The following TFR2 variants were observed in gnomAD, a reference collection of about 807,000 sequenced individuals.
TFR2 encodes the protein transferrin receptor 2.
A neutral mutation model predicts 91.9 loss-of-function variants in TFR2; 64 were observed. The observed-to-expected ratio is 0.70, with a 90% CI of 0.57 to 0.86. The LOEUF (loss-of-function observed/expected upper bound fraction) is 0.86. Among genes scored for constraint, TFR2 ranks in the 40% least tolerant of loss-of-function variants. The pLI is 0.00. For synonymous variants in TFR2, 454 were observed against 459.6 expected (o/e 0.99, Z 0.15); for missense variants, 950 against 1,080.5 (o/e 0.88, Z 1.69).
chr7:100,626,809 T>C lies in TFR2; in HGVS notation c.2090A>G (p.Glu697Gly). The part of the protein sequence containing the change: ...KLRQEIYSSE[E>G]RDERLTRMYN... ...CATGCGTGTCAGTCGCTCGTCTCTCTCCTCCGAGCTGTAGATCTCCTGCCG... is the reference window on the plus strand; with the variant it reads ...CATGCGTGTCAGTCGCTCGTCTCTCCCCTCCGAGCTGTAGATCTCCTGCCG... Residue 697 changes from glutamate (E) to glycine (G), a missense_variant, in exon 17 of 18, where the codon GAG (glutamate) becomes GGG (glycine). By Grantham distance (98) the Glu-to-Gly change is moderately conservative (BLOSUM62 -2). Coordinates refer to ENST00000223051, the MANE Select transcript of TFR2 (RefSeq NM_003227.4). 1 of 1,549,068 alleles carries C rather than the reference T, an allele frequency of 6.5e-7. No individual in the cohort carries two copies.
Position 100,620,748 on chromosome 7 carries a change from A to T in TFR2, c.*109T>A. 1 of 1,482,852 alleles carries T rather than the reference A, an allele frequency of 6.7e-7. No homozygotes were observed. Among genetic ancestry groups the T allele is most frequent in the South Asian group, 1.2e-5 (1 of 82,616 alleles). 91.9% of individuals were successfully genotyped at this position (1,482,852 alleles called of 1,614,324 possible). Reference sequence around the variant, plus strand: ...GATGTGTAGGGGTAATGAGAAATTGATCAGCAATGAGAGGTGGACTCTGAG... The same window carrying T: ...GATGTGTAGGGGTAATGAGAAATTGTTCAGCAATGAGAGGTGGACTCTGAG... On this transcript the variant is annotated 3_prime_UTR_variant, in exon 18 of 18. Coordinates refer to ENST00000223051, the MANE Select transcript of TFR2 (RefSeq NM_003227.4).
At chr7:100,636,907 C>G (rs1289868836) in intron 3 of TFR2, among the ~76,000 whole-genome samples, 1 of 152,160 alleles carries the variant, frequency 6.6e-6, no homozygotes, top group African/African-American at 2.4e-5. Context: ...GCTTCTAGAC[C>G]TGTCAAACTA....
rs1489342348 is a variant in TFR2 at position 100,633,095 on chromosome 7, C to T, written c.755G>A (p.Arg252Gln). ...TGELVYAHYG[R>Q]PEDLQDLRAR... is the part of the protein sequence containing the mutation. ...CCGCAGGTCCTGCAGGTCTTCGGGC[C>T]GCCCGTAGTGGGCGTACACCAGCTC... The change falls in exon 6 of 18, where the codon CGG becomes CAG. Residue 252 changes from arginine to glutamine, a missense_variant. By Grantham distance (43) the Arg-to-Gln change is conservative. Coordinates refer to ENST00000223051, the MANE Select transcript of TFR2 (RefSeq NM_003227.4). The T allele has an allele frequency of 6.2e-7, 1 of 1,613,476 alleles. No individual in the cohort carries two copies. The highest frequency in any genetic ancestry group is 1.1e-5 in the South Asian group (1 of 91,070).
At chr7:100,637,308 A>G (rs1339572883) in intron 3 of TFR2, among the ~76,000 whole-genome samples, 2 of 152,112 alleles carry the variant, frequency 1.3e-5, no homozygotes, top group Non-Finnish European at 2.9e-5. Flanking sequence ...CTGAGGCAGG[A>G]GAATCGCTTG....
intron 3 of TFR2, among the ~76,000 whole-genome samples, chr7:100,638,810 C>T (rs1183230254): frequency 1.3e-5 from 2 of 151,686 alleles, no homozygotes; most frequent in African/African-American, 4.8e-5. Context: ...GTCCTAGCTA[C>T]TTGAAAGGCT....
intron 17 of TFR2, among the ~76,000 whole-genome samples, chr7:100,621,754 T>C (rs955912572): frequency 1.4e-4 from 21 of 152,142 alleles, no homozygotes; most frequent in African/African-American, 4.6e-4. Context: ...AAGGGGACAG[T>C]CCAGTCCTCA....
intron 6 of TFR2, among the ~76,000 whole-genome samples, chr7:100,632,517 C>T (rs1162018863): frequency 6.6e-6 from 1 of 150,390 alleles, no homozygotes; most frequent in Non-Finnish European, 1.5e-5. Context: ...TTCCTTCCTT[C>T]CTCCCTCCCT....
chr7:100,624,120 CA>C (rs1803190848), intron 17 of TFR2, among the ~76,000 whole-genome samples: 1 of 152,076 alleles, frequency 6.6e-6, no homozygotes, highest in African/African-American at 2.4e-5. Context: ...CCTCTCTGCT[CA>C]AAAACCTCTC....
chr7:100,640,563 A>T, intron 3 of TFR2, 123 bp downstream of exon 3: 1 of 1,117,226 alleles, frequency 9.0e-7, no homozygotes, highest in Non-Finnish European at 1.3e-6. Context: ...CCAGGAAGGC[A>T]GATGGGAGGA....
intron 16 of TFR2, 67 bp from the exon 17 acceptor site, chr7:100,626,970 A>G: frequency 6.7e-7 from 1 of 1,501,176 alleles, no homozygotes; most frequent in Non-Finnish European, 8.9e-7. Flanking sequence ...CATGGGGACA[A>G]GGACCCCCGC....
chr7:100,640,569 G>A (rs938281681), intron 3 of TFR2, 117 bp downstream of exon 3: 2 of 1,193,800 alleles, frequency 1.7e-6, no homozygotes, highest in African/African-American at 3.0e-5. Flanking sequence ...AGGCAGATGG[G>A]AGGACTCAGG....
At chr7:100,637,011 AT>A (rs1296732811) in intron 3 of TFR2, among the ~76,000 whole-genome samples, 2 of 152,174 alleles carry the variant, frequency 1.3e-5, no homozygotes, top group Non-Finnish European at 2.9e-5. Flanking sequence ...TACGCCTGTA[AT>A]CCAAGAAATT....
In TFR2 at chr7:100,620,981, GC is replaced by G; in HGVS notation, c.2281del (p.Ala761ProfsTer16). ...CTCCTGGAAGCCAGTGGAGGAGGTG[GC>G]CCCGGGGGTCCCGGAGCTGTTGGAG... is the stretch of plus-strand genomic sequence containing the variant. The part of the protein sequence containing the change: ...LRSNSSGTPG[A>X]TSSTGFQESR... On this transcript the variant is annotated frameshift_variant, in exon 18 of 18. Coordinates refer to ENST00000223051, the MANE Select transcript of TFR2 (RefSeq NM_003227.4). LOFTEE classifies it high-confidence loss of function. The G allele has an allele frequency of 6.2e-7, 1 of 1,611,942 alleles. No individual in the cohort carries two copies. The highest frequency in any genetic ancestry group is 8.5e-7 in the Non-Finnish European group (1 of 1,179,214).
Position 100,627,877 on chromosome 7 carries a change from C to T in TFR2, c.1605+30G>A, listed in dbSNP as rs755236142. ...CTGCTCCTCCCCGCAACCTACTCCC[C>T]TTCACCCCCTATTCCTGGGGTGCTC... On this transcript the variant is annotated intron_variant, in intron 13 of 17. Coordinates refer to ENST00000223051, the MANE Select transcript of TFR2 (RefSeq NM_003227.4). 41 of 1,613,996 alleles carry T rather than the reference C, an allele frequency of 2.5e-5. No individual in the cohort carries two copies. The South Asian group carries it at 4.3e-4, about 17-fold the overall frequency.
At position 100,631,968 on chromosome 7, in the gene TFR2, G is replaced by A. The variant is rs528107027; in HGVS notation, c.967-23C>T. The A allele has an allele frequency of 5.0e-6, 8 of 1,614,024 alleles. No homozygotes were observed. In the East Asian group the frequency reaches 1.6e-4, roughly 31 times the overall value. ...CACCTGCAGGGAAAGGGGTGCCCAC[G>A]CAAAGCTGCGAGCTGGGCTTCCAGG... On this transcript the variant is annotated intron_variant, in intron 7 of 17. Transcript: ENST00000223051.
intron 17 of TFR2, among the ~76,000 whole-genome samples, chr7:100,624,531 G>A (rs1249205602): frequency 1.2e-5 from 1 of 80,968 alleles, no homozygotes; most frequent in Non-Finnish European, 2.3e-5. Flanking sequence ...AGTAGCCATA[G>A]AGAGCGTGAA....
intron 3 of TFR2, among the ~76,000 whole-genome samples, chr7:100,634,631 G>A (rs1026659387): frequency 2.0e-5 from 3 of 152,220 alleles, no homozygotes; most frequent in Non-Finnish European, 4.4e-5. Flanking sequence ...GGATGAGGCA[G>A]GAAAATTCAA....
intron 16 of TFR2, 94 bp downstream of exon 16, chr7:100,627,170 G>C: frequency 7.1e-7 from 1 of 1,403,208 alleles, no homozygotes; most frequent in Non-Finnish European, 9.8e-7. Context: ...AGAGGACCTA[G>C]ACCCCAGGGA....
chr7:100,628,445 G>T, intron 10 of TFR2, 139 bp from the exon 11 acceptor site: 1 of 851,704 alleles, frequency 1.2e-6, no homozygotes, highest in Non-Finnish European at 1.9e-6. Flanking sequence ...TCTCGCCCAG[G>T]CTGGAGTGCA....
Sources: allele counts gnomAD v4.1 joint callset (sites outside exome capture counted in the v4.1 genomes callset), GRCh38; gene constraint gnomAD v4.1.1; transcripts MANE v1.5; gene names NCBI Gene and HGNC (gene_info 2026-07-23, HGNC 2026-07-21).